Variants in DLGAP2 observed in about 807,000 individuals in gnomAD.
DLGAP2 encodes the protein disks large-associated protein 2.
In DLGAP2, 26 loss-of-function variants were observed where a neutral mutation model predicts 100.3. The ratio of observed to expected loss-of-function variants is 0.26; its 90% CI spans 0.19 to 0.36. DLGAP2 has a LOEUF of 0.36. Among genes scored for constraint, DLGAP2 ranks in the 10% least tolerant of loss-of-function variants. The pLI is 1.00. For synonymous variants in DLGAP2, 886 were observed against 630.1 expected (o/e 1.41, Z -6.08); for missense variants, 1,858 against 1,453.2 (o/e 1.28, Z -4.53).
At chr8:1,507,426 G>A (rs1037373926) in intron 4 of DLGAP2, among the ~76,000 whole-genome samples, 8 of 152,278 alleles carry the variant, frequency 5.3e-5, no homozygotes, top group South Asian at 2.1e-4. Context: ...CCCCGCTGGC[G>A]CTGGCCGGCC....
intron 8 of DLGAP2, among the ~76,000 whole-genome samples, chr8:1,661,357 G>C (rs1563047549): frequency 6.6e-6 from 1 of 152,154 alleles, no homozygotes; most frequent in Non-Finnish European, 1.5e-5. Context: ...AGAAGAGGCA[G>C]GGAGTAACAT....
chr8:1,039,313 G>A (rs538636877), intron 2 of DLGAP2, among the ~76,000 whole-genome samples: 101 of 147,936 alleles, frequency 6.8e-4, no homozygotes, highest in African/African-American at 2.1e-3. Flanking sequence ...TGGTCAGCTC[G>A]GTGTGCGTGG....
chr8:965,257 T>A (rs1448114580), intron 2 of DLGAP2, among the ~76,000 whole-genome samples: 3 of 136,594 alleles, frequency 2.2e-5, no homozygotes, highest in East Asian at 2.3e-4. Flanking sequence ...ACACGGCTCC[T>A]GAGCCCAACC....
At chr8:1,298,707 T>C (rs9644254) in intron 3 of DLGAP2, among the ~76,000 whole-genome samples, 127,656 of 152,200 alleles carry the variant, frequency 0.84, 53,962 homozygotes, top group African/African-American at 0.95. Flanking sequence ...CATGCATGCA[T>C]GCCAGAGGGG....
At chr8:1,214,407 A>G (rs564619846) in intron 2 of DLGAP2, among the ~76,000 whole-genome samples, 55 of 152,300 alleles carry the variant, frequency 3.6e-4, no homozygotes, top group South Asian at 6.2e-4. Flanking sequence ...GGCATCTCGT[A>G]GATTGGGACT....
At chr8:1,170,177 G>T (rs1797099330) in intron 2 of DLGAP2, among the ~76,000 whole-genome samples, 1 of 152,122 alleles carries the variant, frequency 6.6e-6, no homozygotes, top group Admixed American at 6.6e-5. Context: ...TTATATGCTG[G>T]ATTACATTTA....
intron 3 of DLGAP2, among the ~76,000 whole-genome samples, chr8:1,310,034 G>C (rs181065901): frequency 2.0e-5 from 3 of 147,554 alleles, no homozygotes; most frequent in African/African-American, 7.6e-5. Flanking sequence ...ATACCAGCCT[G>C]GGCTACAGGG....
intron 2 of DLGAP2, among the ~76,000 whole-genome samples, chr8:1,024,789 G>A (rs1056899761): frequency 1.3e-5 from 2 of 152,150 alleles, no homozygotes; most frequent in Non-Finnish European, 2.9e-5. Flanking sequence ...GCCTCCTGTG[G>A]GACACGCGTG....
intron 2 of DLGAP2, among the ~76,000 whole-genome samples, chr8:1,206,418 T>C (rs1318475072): frequency 1.3e-3 from 196 of 151,646 alleles, no homozygotes; most frequent in Middle Eastern, 3.4e-3. Context: ...GGGTAGACTG[T>C]GAGCGGTTAA....
At chr8:1,258,723 A>C (rs138161199) in intron 2 of DLGAP2, 128 bp from the exon 3 acceptor site, 610 of 762,926 alleles carry the variant, frequency 8.0e-4, no homozygotes, top group Admixed American at 1.4e-3. Flanking sequence ...GGAAGGGTCC[A>C]CTGGCTCTGG....
At position 1,519,237 on chromosome 8, in the gene DLGAP2, C is replaced by T. The variant is rs146854991; in HGVS notation, c.172+17806C>T. Among the ~76,000 whole-genome samples, 118 of 152,278 alleles carry T rather than the reference C, an allele frequency of 7.7e-4. 1 individual carries two copies. Among genetic ancestry groups the T allele is most frequent in the African/African-American group, 2.8e-3 (117 of 41,540 alleles). Reference sequence around the variant, plus strand: ...AAAGTGAAGAACACCAAAGTTAGCTCAGCTTTACGCAGCGGCATGTCCCAT... The same window carrying T: ...AAAGTGAAGAACACCAAAGTTAGCTTAGCTTTACGCAGCGGCATGTCCCAT... On this transcript the variant is annotated intron_variant, in intron 4 of 14. Coordinates refer to ENST00000637795, the MANE Select transcript of DLGAP2 (RefSeq NM_001346810.2).
chr8:1,447,360 T>G (rs1798010155), intron 3 of DLGAP2, among the ~76,000 whole-genome samples: 1 of 152,244 alleles, frequency 6.6e-6, no homozygotes, highest in African/African-American at 2.4e-5. Flanking sequence ...GTTTTTGTCT[T>G]TGGTTCTGTT....
At chr8:1,601,587 A>C (rs1002003115) in intron 6 of DLGAP2, among the ~76,000 whole-genome samples, 6 of 141,838 alleles carry the variant, frequency 4.2e-5, no homozygotes, top group Non-Finnish European at 7.9e-5. Context: ...GCAGTTTTAC[A>C]GGCTTTTTAC....
In DLGAP2 at chr8:1,590,401, C is replaced by G. The variant is rs115477228; in HGVS notation, c.1442+24507C>G. On this transcript the variant is annotated intron_variant, in intron 6 of 14. Coordinates refer to ENST00000637795, the MANE Select transcript of DLGAP2 (RefSeq NM_001346810.2). ...CACTGTTTCTGAAACTTATTTCCATCTCCGTGTTGGCTTTTCTCTTCCGGA... is the reference window on the plus strand; with the variant it reads ...CACTGTTTCTGAAACTTATTTCCATGTCCGTGTTGGCTTTTCTCTTCCGGA... Among the ~76,000 whole-genome samples the G allele has an allele frequency of 2.9e-3, 439 of 152,284 alleles. 4 individuals carry two copies. Among genetic ancestry groups the G allele is most frequent in the African/African-American group, 9.9e-3 (412 of 41,556 alleles).
At chr8:1,254,267 A>G (rs1287241106) in intron 2 of DLGAP2, among the ~76,000 whole-genome samples, 1 of 152,172 alleles carries the variant, frequency 6.6e-6, no homozygotes, top group Non-Finnish European at 1.5e-5. Flanking sequence ...AACCCCGGGC[A>G]CATCCAGGAC....
chr8:1,542,490 C>T (rs1801395387), intron 4 of DLGAP2, among the ~76,000 whole-genome samples: 1 of 152,188 alleles, frequency 6.6e-6, no homozygotes, highest in African/African-American at 2.4e-5. Context: ...TGAAATTGTA[C>T]ATTGGTGGTC....
Position 1,267,586 on chromosome 8 carries a change from A to AATAAGATAAGATAAG in DLGAP2, c.106+8728_106+8742dup, listed in dbSNP as rs1186600186. 1.4e-3 allele frequency among the ~76,000 whole-genome samples: 66 copies of AATAAGATAAGATAAG among 48,406 alleles called. 5 individuals carry two copies. Among genetic ancestry groups the AATAAGATAAGATAAG allele is most frequent in the Admixed American group, 4.7e-3 (30 of 6,394 alleles). The allele number at this position is 48,406 out of a possible 152,430, so 31.8% of individuals were successfully genotyped here. On this transcript the variant is annotated intron_variant, in intron 3 of 14. Transcript: ENST00000637795. Reference sequence around the variant, plus strand: ...AATAAAATAAAATAAAATAAAATAAAATAAGATAAGATAAGATAAGATAAG... The same window carrying AATAAGATAAGATAAG: ...AATAAAATAAAATAAAATAAAATAAAATAAGATAAGATAAGATAAGATAAGATAAGATAAGATAAG...
At chr8:1,363,445 C>T (rs916090444) in intron 3 of DLGAP2, among the ~76,000 whole-genome samples, 3 of 152,210 alleles carry the variant, frequency 2.0e-5, no homozygotes, top group African/African-American at 7.2e-5. Context: ...TGTAAGCCCT[C>T]CGTCCCCCAC....
chr8:1,652,357 G>A (rs989962936), intron 8 of DLGAP2, among the ~76,000 whole-genome samples: 36 of 152,320 alleles, frequency 2.4e-4, no homozygotes, highest in African/African-American at 7.7e-4. Context: ...CAGGGGCCGG[G>A]TTTTCCTCGC....
Sources: gnomAD v4.1 joint callset for allele counts (sites outside exome capture counted in the v4.1 genomes callset) on GRCh38, gnomAD v4.1.1 for gene constraint, MANE v1.5 for transcripts, NCBI Gene and HGNC (gene_info 2026-07-23, HGNC 2026-07-21) for gene names.